IL1RAPL1: variants seen among roughly 807,000 people sequenced by gnomAD.
IL1RAPL1 encodes interleukin 1 receptor accessory protein like 1.
In IL1RAPL1, 3 loss-of-function variants were observed where a neutral mutation model predicts 48.4. That is an observed-to-expected ratio of 0.06 (90% CI 0.03 to 0.16). IL1RAPL1 has a LOEUF of 0.16. Among genes scored for constraint, IL1RAPL1 ranks in the 10% least tolerant of loss-of-function variants. The pLI, the probability that IL1RAPL1 is intolerant of heterozygous loss-of-function variation, is 1.00. For synonymous variants in IL1RAPL1, 185 were observed against 187.7 expected (o/e 0.99, Z 0.12); for missense variants, 349 against 530.6 (o/e 0.66, Z 3.36).
chrX:29,714,270 C>G lies in IL1RAPL1; in HGVS notation c.778+45766C>G, dbSNP rs544253267. On this transcript the variant is annotated intron_variant, in intron 6 of 10. Transcript: ENST00000378993. Reference sequence around the variant, plus strand: ...AATAGAAGACAATCAGGGTTGTGCACGATTTACAAATTGCTTCTTCACCTC... The same window carrying G: ...AATAGAAGACAATCAGGGTTGTGCAGGATTTACAAATTGCTTCTTCACCTC... Among the ~76,000 whole-genome samples the G allele has an allele frequency of 3.9e-4, 44 of 111,599 alleles. No homozygotes were observed. The South Asian group carries it at 0.016, about 41-fold the overall frequency.
chrX:28,981,090 C>CAAAAAAAAAAAAAAA (rs57824632), intron 2 of IL1RAPL1, among the ~76,000 whole-genome samples: 3 of 24,323 alleles, frequency 1.2e-4, no homozygotes, highest in African/African-American at 4.2e-4. Context: ...GACCCTGTCT[C>CAAAAAAAAAAAAAAA]AAAAAAAAAA....
At chrX:29,570,117 A>G (rs1243091548) in intron 5 of IL1RAPL1, among the ~76,000 whole-genome samples, 1 of 112,200 alleles carries the variant, frequency 8.9e-6, no homozygotes, top group Non-Finnish European at 1.9e-5. Context: ...TTAATAAAAG[A>G]TAAATTAGAT....
At chrX:29,333,445 G>A (rs1211650456) in intron 3 of IL1RAPL1, among the ~76,000 whole-genome samples, 48 of 82,487 alleles carry the variant, frequency 5.8e-4, no homozygotes, top group African/African-American at 1.8e-3. Context: ...GCGGCTGGCC[G>A]GGCAGAGGGG....
intron 3 of IL1RAPL1, among the ~76,000 whole-genome samples, chrX:29,361,984 G>A (rs1361412058): frequency 8.9e-6 from 1 of 112,012 alleles, no homozygotes; most frequent in Non-Finnish European, 1.9e-5. Flanking sequence ...AGCTTATTAA[G>A]CTGAAATGAG....
chrX:28,989,262 A>C (rs927367662), intron 2 of IL1RAPL1, among the ~76,000 whole-genome samples: 9 of 112,510 alleles, frequency 8.0e-5, no homozygotes, highest in African/African-American at 2.6e-4. Flanking sequence ...GCTGTATCTC[A>C]GTACATCTCT....
intron 5 of IL1RAPL1, among the ~76,000 whole-genome samples, chrX:29,567,470 A>G (rs1437743102): frequency 8.9e-6 from 1 of 112,062 alleles, no homozygotes; most frequent in Non-Finnish European, 1.9e-5. Context: ...TTCATGTAAC[A>G]ATGCATTTTT....
At chrX:29,810,855 T>C (rs993540375) in intron 6 of IL1RAPL1, among the ~76,000 whole-genome samples, 1 of 112,278 alleles carries the variant, frequency 8.9e-6, no homozygotes, top group Non-Finnish European at 1.9e-5. Context: ...TTTCCAAGTC[T>C]GCTTAACAAT....
intron 5 of IL1RAPL1, among the ~76,000 whole-genome samples, chrX:29,545,745 T>G: frequency 8.9e-6 from 1 of 112,299 alleles, no homozygotes; most frequent in Middle Eastern, 4.6e-3. Flanking sequence ...TCGAGCATTT[T>G]TGTAGTTTCC....
At chrX:29,334,484 T>C (rs1484145042) in intron 3 of IL1RAPL1, among the ~76,000 whole-genome samples, 12 of 99,883 alleles carry the variant, frequency 1.2e-4, no homozygotes, top group East Asian at 3.5e-4. Flanking sequence ...CCGGACGGGG[T>C]GGCTGCCGGG....
intron 6 of IL1RAPL1, among the ~76,000 whole-genome samples, chrX:29,810,380 G>A (rs1261760523): frequency 3.6e-5 from 4 of 109,600 alleles, no homozygotes; most frequent in Admixed American, 2.0e-4. Flanking sequence ...TAGTAGAGAC[G>A]GGGTTTCACC....
intron 2 of IL1RAPL1, among the ~76,000 whole-genome samples, chrX:29,271,352 C>T (rs902352943): frequency 2.7e-5 from 3 of 111,823 alleles, no homozygotes; most frequent in Non-Finnish European, 3.8e-5. Flanking sequence ...TATGACAGAA[C>T]GATTTATATT....
chrX:29,907,504 T>C (rs888131656), intron 6 of IL1RAPL1, among the ~76,000 whole-genome samples: 2 of 111,731 alleles, frequency 1.8e-5, no homozygotes, highest in Admixed American at 9.6e-5. Context: ...ATGAAACTAA[T>C]TTTTGTTTTT....
intron 5 of IL1RAPL1, among the ~76,000 whole-genome samples, chrX:29,656,794 T>A (rs900368266): frequency 9.0e-6 from 1 of 111,706 alleles, no homozygotes; most frequent in Non-Finnish European, 1.9e-5. Flanking sequence ...GCTTTGCTAT[T>A]CTACATTAGG....
At chrX:28,893,071 G>C (rs1922814895) in intron 2 of IL1RAPL1, among the ~76,000 whole-genome samples, 1 of 111,207 alleles carries the variant, frequency 9.0e-6, no homozygotes, top group African/African-American at 3.3e-5. Context: ...GCATTTATGA[G>C]TAGTTGAGAC....
At chrX:29,209,155 T>C (rs1162531398) in intron 2 of IL1RAPL1, among the ~76,000 whole-genome samples, 1 of 112,036 alleles carries the variant, frequency 8.9e-6, no homozygotes, top group African/African-American at 3.2e-5. Context: ...AAGAGAACCA[T>C]GATATTCAAT....
chrX:29,659,262 A>G (rs1925772468), intron 5 of IL1RAPL1, among the ~76,000 whole-genome samples: 1 of 111,945 alleles, frequency 8.9e-6, no homozygotes, highest in African/African-American at 3.2e-5. Flanking sequence ...CCTTCATAAG[A>G]TTGACTTGTT....
At chrX:29,220,830 A>G (rs1930959260) in intron 2 of IL1RAPL1, among the ~76,000 whole-genome samples, 1 of 112,274 alleles carries the variant, frequency 8.9e-6, no homozygotes, top group South Asian at 3.7e-4. Flanking sequence ...AGATTTCAAA[A>G]TAAACTCATA....
chrX:29,192,334 A>G (rs1930366799), intron 2 of IL1RAPL1, among the ~76,000 whole-genome samples: 1 of 112,269 alleles, frequency 8.9e-6, no homozygotes, highest in South Asian at 3.6e-4. Context: ...ACAAAAGAAC[A>G]TATACTTACT....
intron 6 of IL1RAPL1, among the ~76,000 whole-genome samples, chrX:29,739,439 C>A (rs1006844173): frequency 9.0e-6 from 1 of 111,073 alleles, no homozygotes; most frequent in African/African-American, 3.3e-5. Flanking sequence ...CTGTGGCAAT[C>A]CTTGAGATTG....
Sources: gnomAD v4.1 joint callset for allele counts (sites outside exome capture counted in the v4.1 genomes callset) on GRCh38, gnomAD v4.1.1 for gene constraint, MANE v1.5 for transcripts, NCBI Gene and HGNC (gene_info 2026-07-23, HGNC 2026-07-21) for gene names.